Variants in RFC3 observed in about 807,000 individuals in gnomAD.
The protein encoded by RFC3 is A1 38 kDa subunit.
Under a neutral mutation model 45.1 loss-of-function variants are expected in RFC3, and 41 were observed. That is an observed-to-expected ratio of 0.91 (90% CI 0.71 to 1.18). The LOEUF (loss-of-function observed/expected upper bound fraction) is 1.18, where lower values mean the gene tolerates loss of function less well. Ranked by LOEUF, RFC3 falls within the 50% of genes most tolerant of loss-of-function variation. RFC3 has a pLI of 0.00. For missense variants in RFC3, 423 were observed against 428.1 expected, an observed-to-expected ratio of 0.99 and a Z score of 0.10; for synonymous variants, 149 against 144.0, an observed-to-expected ratio of 1.03 and a Z score of -0.25.
At chr13:33,972,406 C>CA in the RFC3 span, among the ~76,000 whole-genome samples, 1 of 152,188 alleles carries the variant, frequency 6.6e-6, no homozygotes, top group Non-Finnish European at 1.5e-5. Flanking sequence ...TCCTCAAAGA[C>CA]AGACAACTCC....
At chr13:33,947,155 GT>G (rs2137819788) in intron 8 of RFC3, among the ~76,000 whole-genome samples, 1 of 152,264 alleles carries the variant, frequency 6.6e-6, no homozygotes, top group African/African-American at 2.4e-5. Flanking sequence ...ACTTTGAATT[GT>G]AATAATCCCC....
At chr13:33,901,004 A>G (rs1184574660) in intron 8 of RFC3, among the ~76,000 whole-genome samples, 1 of 151,988 alleles carries the variant, frequency 6.6e-6, no homozygotes, top group Admixed American at 6.6e-5. Context: ...ACATTATCTC[A>G]CTTCAATTAA....
intron 8 of RFC3, among the ~76,000 whole-genome samples, chr13:33,863,312 G>C (rs977921094): frequency 6.6e-6 from 1 of 151,974 alleles, no homozygotes; most frequent in African/African-American, 2.4e-5. Context: ...TCTGTCTCTG[G>C]GTTTAATTTC....
At chr13:33,856,421 CAACA>C (rs2082309308) in intron 8 of RFC3, among the ~76,000 whole-genome samples, 1 of 152,152 alleles carries the variant, frequency 6.6e-6, no homozygotes, top group African/African-American at 2.4e-5. Flanking sequence ...ATAATCTGTA[CAACA>C]AACACCCATG....
At chr13:33,872,625 C>T (rs573823926) in intron 8 of RFC3, among the ~76,000 whole-genome samples, 59 of 152,094 alleles carry the variant, frequency 3.9e-4, no homozygotes, top group African/African-American at 1.4e-3. Context: ...ACCAGCTACT[C>T]GGGAGGCTGA....
At chr13:33,920,635 A>G (rs2082763218) in intron 8 of RFC3, among the ~76,000 whole-genome samples, 1 of 151,794 alleles carries the variant, frequency 6.6e-6, no homozygotes, top group Non-Finnish European at 1.5e-5. Context: ...GGATGTTGCT[A>G]TGTTGCCCAG....
At chr13:33,860,219 C>CT (rs1275521690) in intron 8 of RFC3, among the ~76,000 whole-genome samples, 2 of 139,740 alleles carry the variant, frequency 1.4e-5, no homozygotes, top group African/African-American at 5.2e-5. Flanking sequence ...CTGGAGAAGA[C>CT]TAAGTGTGTT....
intron 8 of RFC3, among the ~76,000 whole-genome samples, chr13:33,872,504 C>T (rs557422622): frequency 2.8e-4 from 42 of 152,234 alleles, no homozygotes; most frequent in East Asian, 2.5e-3. Context: ...GAGGCCAAGG[C>T]GGGCGGATCA....
intron 6 of RFC3, 95 bp from the exon 7 acceptor site, chr13:33,831,161 G>T: frequency 1.3e-6 from 1 of 763,786 alleles, no homozygotes; most frequent in South Asian, 1.6e-5. Flanking sequence ...TGTGCAGCCC[G>T]GTTCCTAACC....
At chr13:33,961,273 A>G (rs2083055678) in intron 8 of RFC3, among the ~76,000 whole-genome samples, 1 of 152,120 alleles carries the variant, frequency 6.6e-6, no homozygotes, top group Non-Finnish European at 1.5e-5. Context: ...ACATCTGTGC[A>G]TCATTCAGAA....
chr13:33,819,755 CAT>C (rs1165936743), intron 1 of RFC3, among the ~76,000 whole-genome samples: 1 of 152,172 alleles, frequency 6.6e-6, no homozygotes, highest in Non-Finnish European at 1.5e-5. Flanking sequence ...ATATTTTGGA[CAT>C]GAATTTAATA....
At chr13:33,917,300 C>CT (rs547325996) in intron 8 of RFC3, among the ~76,000 whole-genome samples, 61 of 152,172 alleles carry the variant, frequency 4.0e-4, no homozygotes, top group South Asian at 3.3e-3. Context: ...ACAGAGTAGA[C>CT]TTTTAAATAA....
chr13:33,875,921 G>A (rs752797041), intron 8 of RFC3, among the ~76,000 whole-genome samples: 2 of 152,190 alleles, frequency 1.3e-5, no homozygotes, highest in Non-Finnish European at 2.9e-5. Flanking sequence ...AGCCCTCTGA[G>A]AGGGTTTTGT....
At chr13:33,942,794 A>G (rs2082932959) in intron 8 of RFC3, among the ~76,000 whole-genome samples, 1 of 152,038 alleles carries the variant, frequency 6.6e-6, no homozygotes, top group Non-Finnish European at 1.5e-5. Context: ...CTTGTAGTCA[A>G]TTTATGTAGT....
intron 8 of RFC3, among the ~76,000 whole-genome samples, chr13:33,864,238 GC>G (rs1435577318): frequency 2.0e-5 from 3 of 152,106 alleles, no homozygotes; most frequent in Non-Finnish European, 2.9e-5. Flanking sequence ...TAAGGGACCT[GC>G]CTTCCTAACC....
intron 8 of RFC3, among the ~76,000 whole-genome samples, chr13:33,955,223 C>T (rs1380204664): frequency 6.6e-6 from 1 of 152,114 alleles, no homozygotes; most frequent in African/African-American, 2.4e-5. Flanking sequence ...AAGCAAGCTA[C>T]AGGAAGATTA....
intron 8 of RFC3, among the ~76,000 whole-genome samples, chr13:33,948,402 G>A (rs2082967881): frequency 6.6e-6 from 1 of 152,226 alleles, no homozygotes; most frequent in Admixed American, 6.5e-5. Context: ...TCAGGCACAA[G>A]TTTGCTTCAT....
intron 8 of RFC3, among the ~76,000 whole-genome samples, chr13:33,931,732 C>T (rs1310294418): frequency 6.6e-6 from 1 of 152,042 alleles, no homozygotes; most frequent in Non-Finnish European, 1.5e-5. Context: ...TACTTTTAAA[C>T]ATGGAAAGTC....
intron 8 of RFC3, among the ~76,000 whole-genome samples, chr13:33,963,742 A>T (rs1452068347): frequency 6.6e-6 from 1 of 152,196 alleles, no homozygotes; most frequent in African/African-American, 2.4e-5. Flanking sequence ...CTGTGGAATG[A>T]CAGTTAATGA....
Sources: allele counts gnomAD v4.1 joint callset (sites outside exome capture counted in the v4.1 genomes callset), GRCh38; gene constraint gnomAD v4.1.1; transcripts MANE v1.5; gene names NCBI Gene and HGNC (gene_info 2026-07-23, HGNC 2026-07-21).